The following ACSM6 variants were observed in gnomAD, a reference collection of about 807,000 sequenced individuals.
ACSM6 encodes acyl-coenzyme A synthetase ACSM6, mitochondrial.
A neutral mutation model predicts 51.1 loss-of-function variants in ACSM6; 35 were observed. That is an observed-to-expected ratio of 0.69 (90% CI 0.52 to 0.91). The LOEUF is 0.91. Among genes scored for constraint, ACSM6 ranks in the 40% least tolerant of loss-of-function variants. The pLI, the probability that ACSM6 is intolerant of heterozygous loss-of-function variation, is 0.00. For synonymous variants in ACSM6, 172 were observed against 207.3 expected (o/e 0.83, Z 1.46); for missense variants, 509 against 584.1 (o/e 0.87, Z 1.32).
At chr10:95,210,314 C>A (rs1406365070) in intron 4 of ACSM6, among the ~76,000 whole-genome samples, 2 of 151,978 alleles carry the variant, frequency 1.3e-5, no homozygotes, top group African/African-American at 2.4e-5. Context: ...GGATGTGGCA[C>A]AGATAGCTAG....
At chr10:95,199,733 C>G (rs2034773793) in intron 2 of ACSM6, among the ~76,000 whole-genome samples, 1 of 152,006 alleles carries the variant, frequency 6.6e-6, no homozygotes, top group African/African-American at 2.4e-5. Flanking sequence ...TTTATGCAGC[C>G]AACAGACACA....
rs1309822999 is a variant in ACSM6 at position 95,209,006 on chromosome 10, TATAGACAACAA to T, written c.611+1603_611+1613del. 1.1e-4 allele frequency among the ~76,000 whole-genome samples: 16 copies of T among 147,106 alleles called. No homozygotes were observed. In the East Asian group the frequency reaches 2.2e-3, roughly 20 times the overall value. ...ACCCCGACCCTCATGGATTTTATAT[TATAGACAACAA>T]ATAGACAACAAGAAAACACATAAAT... On this transcript the variant is annotated intron_variant, in intron 4 of 10. Transcript: ENST00000341686.
intron 9 of ACSM6, among the ~76,000 whole-genome samples, chr10:95,222,549 G>A (rs773916866): frequency 6.6e-6 from 1 of 151,938 alleles, no homozygotes; most frequent in Non-Finnish European, 1.5e-5. Flanking sequence ...CTTGAACGCG[G>A]GAGGTGCAGG....
At chr10:95,202,364 CA>C (rs2034803053) in intron 3 of ACSM6, among the ~76,000 whole-genome samples, 169 bp downstream of exon 3, 1 of 152,220 alleles carries the variant, frequency 6.6e-6, no homozygotes, top group South Asian at 2.1e-4. Flanking sequence ...CACCACTTAC[CA>C]CCTCTGTAAA....
Position 95,214,989 on chromosome 10 carries a change from G to A in ACSM6, c.1119+14G>A, listed in dbSNP as rs781122325. On this transcript the variant is annotated intron_variant, in intron 8 of 10. Coordinates refer to ENST00000341686, the Ensembl canonical transcript of ACSM6. ...CAGACGGAAACTGTAGGTTGATGCT[G>A]ACTCACTATTTAGCCAGAAACCAAA... 1 of 1,551,040 alleles carries A rather than the reference G, an allele frequency of 6.4e-7. No individual in the cohort carries two copies. The highest frequency in any genetic ancestry group is 2.0e-5 in the Admixed American group (1 of 50,946).
chr10:95,215,159 A>G (rs1466172949), intron 8 of ACSM6, among the ~76,000 whole-genome samples, 184 bp downstream of exon 8: 2 of 152,230 alleles, frequency 1.3e-5, no homozygotes, highest in Non-Finnish European at 2.9e-5. Flanking sequence ...ACAGGTACAG[A>G]TAACTTACAG....
chr10:95,194,505 C>T, exon 2 of ACSM6: 2 of 1,551,692 alleles, frequency 1.3e-6, no homozygotes, highest in African/African-American at 1.4e-5. Flanking sequence ...CGATTTCAAC[C>T]CTTCTCCTTG....
chr10:95,225,257 A>C, intron 9 of ACSM6, 33 bp from the exon 10 acceptor site: 1 of 1,448,418 alleles, frequency 6.9e-7, no homozygotes, highest in Non-Finnish European at 9.5e-7. Context: ...GTGGTTTGTA[A>C]GGAAAATTCC....
chr10:95,212,079 G>A (rs965540678), intron 6 of ACSM6, 45 bp downstream of exon 6: 2 of 1,609,678 alleles, frequency 1.2e-6, no homozygotes, highest in African/African-American at 1.3e-5. Flanking sequence ...AAAGGCCAGA[G>A]AGAGGCATTA....
At chr10:95,205,607 G>A (rs992664910) in intron 3 of ACSM6, among the ~76,000 whole-genome samples, 6 of 152,008 alleles carry the variant, frequency 3.9e-5, no homozygotes, top group Non-Finnish European at 5.9e-5. Context: ...TTCAGACCAT[G>A]GCAAAGACAA....
At chr10:95,201,886 A>C in intron 2 of ACSM6, 99 bp from the exon 3 acceptor site, 1 of 1,012,518 alleles carries the variant, frequency 9.9e-7, no homozygotes, top group Non-Finnish European at 1.5e-6. Flanking sequence ...CTAGCCTCTC[A>C]AGATCTAGCC....
At chr10:95,199,711 C>G (rs942013317) in intron 2 of ACSM6, among the ~76,000 whole-genome samples, 40 of 152,282 alleles carry the variant, frequency 2.6e-4, no homozygotes, top group Non-Finnish European at 5.6e-4. Context: ...AGACACTTCT[C>G]AAAAGAAGAC....
intron 3 of ACSM6, among the ~76,000 whole-genome samples, chr10:95,205,763 G>C (rs140212264): frequency 6.6e-6 from 1 of 152,144 alleles, no homozygotes; most frequent in African/African-American, 2.4e-5. Context: ...TAAGGGTGGG[G>C]GCACTTGAAA....
chr10:95,202,150 CCAA>C (rs1472438276), exon 3 of ACSM6: 1 of 1,552,220 alleles, frequency 6.4e-7, no homozygotes, highest in South Asian at 1.2e-5. Context: ...AATCTTGCCC[CCAA>C]CACCTGAAGC....
In ACSM6 at chr10:95,199,272, T is replaced by C. The variant is rs567401883; in HGVS notation, c.193-2713T>C. ...GAGAAAGGATTCCCTATTTAATAAA[T>C]GGTGCTGGGAAAACTGGCTAGCCAT... is the stretch of plus-strand genomic sequence containing the variant. On this transcript the variant is annotated intron_variant, in intron 2 of 10. Coordinates refer to ENST00000341686, the Ensembl canonical transcript of ACSM6. Among the ~76,000 whole-genome samples, 8 of 152,298 alleles carry C rather than the reference T, an allele frequency of 5.3e-5. No homozygotes were observed. The South Asian group carries it at 1.2e-3, about 24-fold the overall frequency.
intron 2 of ACSM6, among the ~76,000 whole-genome samples, chr10:95,198,091 A>G (rs1393630756): frequency 1.3e-5 from 2 of 152,224 alleles, no homozygotes; most frequent in African/African-American, 4.8e-5. Flanking sequence ...TGGCTGGGGC[A>G]AAGCTACAAA....
At chr10:95,225,925 A>G (rs1381630176) in intron 10 of ACSM6, 1 of 152,256 alleles carries the variant, frequency 6.6e-6, no homozygotes, top group East Asian at 1.9e-4. Flanking sequence ...TGAAGAATAG[A>G]GGACGGTTGT....
At chr10:95,223,593 C>T (rs980003347) in intron 9 of ACSM6, among the ~76,000 whole-genome samples, 1 of 152,132 alleles carries the variant, frequency 6.6e-6, no homozygotes, top group South Asian at 2.1e-4. Context: ...TCTCAACAGA[C>T]ACAGAAAAAT....
At chr10:95,216,521 T>C (rs10128123) in intron 8 of ACSM6, among the ~76,000 whole-genome samples, 47,866 of 151,958 alleles carry the variant, frequency 0.31, 8,218 homozygotes, top group Non-Finnish European at 0.39. Context: ...AAGGCCTTAA[T>C]GGATAAGGAA....
Sources: gnomAD v4.1 joint callset for allele counts (sites outside exome capture counted in the v4.1 genomes callset) on GRCh38, gnomAD v4.1.1 for gene constraint, MANE v1.5 for transcripts, NCBI Gene and HGNC (gene_info 2026-07-23, HGNC 2026-07-21) for gene names.